The following GP6 variants were observed in gnomAD, a reference collection of about 807,000 sequenced individuals.
GP6 encodes glycoprotein VI platelet, also known as platelet glycoprotein VI.
GP6 carries 45 observed loss-of-function variants against 37.3 expected under a neutral mutation model. That is an observed-to-expected ratio of 1.21 (90% CI 0.95 to 1.55). The LOEUF (loss-of-function observed/expected upper bound fraction) is 1.55. Among genes scored for constraint, GP6 ranks in the 40% most tolerant of loss-of-function variants. GP6 has a pLI of 0.00. For synonymous variants in GP6, 340 were observed against 316.4 expected (o/e 1.07, Z -0.79); for missense variants, 813 against 760.2 (o/e 1.07, Z -0.82).
chr19:55,028,333 T>G (rs939225833), intron 3 of GP6, among the ~76,000 whole-genome samples: 1 of 152,230 alleles, frequency 6.6e-6, no homozygotes. Flanking sequence ...TCCAAACTTA[T>G]GATGTATATC....
intron 4 of GP6, among the ~76,000 whole-genome samples, chr19:55,025,807 G>C (rs900189647): frequency 6.6e-6 from 1 of 152,054 alleles, no homozygotes; most frequent in African/African-American, 2.4e-5. Flanking sequence ...TTCAAGACCA[G>C]CCTGGCCAAC....
intron 5 of GP6, among the ~76,000 whole-genome samples, chr19:55,022,312 G>C (rs2074115755): frequency 6.6e-6 from 1 of 152,078 alleles, no homozygotes; most frequent in South Asian, 2.1e-4. Context: ...CATCCATCTT[G>C]AGTTAATTTT....
chr19:55,022,980 G>A (rs1273561472), intron 5 of GP6, among the ~76,000 whole-genome samples: 1 of 152,094 alleles, frequency 6.6e-6, no homozygotes, highest in Non-Finnish European at 1.5e-5. Context: ...AACTATCATT[G>A]ACATTCCTCA....
At chr19:55,024,327 TATGCACGCACACACGCAC>T (rs2074213559) in intron 5 of GP6, among the ~76,000 whole-genome samples, 1 of 30,218 alleles carries the variant, frequency 3.3e-5, no homozygotes, top group South Asian at 1.2e-3. Flanking sequence ...CACACACACA[TATGCACGCACACACGCAC>T]ATGCACGCAC....
intron 3 of GP6, among the ~76,000 whole-genome samples, chr19:55,029,370 A>T (rs1157010602): frequency 0.012 from 31 of 2,486 alleles, 2 homozygotes; most frequent in African/African-American, 0.027. Flanking sequence ...ATATATATAT[A>T]TATATTTTTT....
intron 5 of GP6, among the ~76,000 whole-genome samples, chr19:55,024,899 T>C: frequency 6.6e-6 from 1 of 151,984 alleles, no homozygotes; most frequent in East Asian, 1.9e-4. Context: ...GGTTGGTTGG[T>C]TGGTTGGTTA....
chr19:55,030,974 G>A (rs1180191503), intron 3 of GP6, among the ~76,000 whole-genome samples: 1 of 151,952 alleles, frequency 6.6e-6, no homozygotes, highest in Admixed American at 6.6e-5. Flanking sequence ...TCAGCCTCCT[G>A]AGTAGCTGGG....
rs869194721 is a variant in GP6 at position 55,026,000 on chromosome 19, CAA to C, written c.611-731_611-730del. 2.4e-3 allele frequency among the ~76,000 whole-genome samples: 42 copies of C among 17,868 alleles called. 1 individual carries two copies. The highest frequency in any genetic ancestry group is 5.7e-3 in the African/African-American group (40 of 7,010). 11.7% of individuals were successfully genotyped at this position (17,868 alleles called of 152,430 possible). A position where few individuals can be genotyped will look rare whatever the true frequency, so the allele number is the denominator to read the frequency against. On this transcript the variant is annotated intron_variant, in intron 4 of 7. Coordinates refer to ENST00000310373, the MANE Select transcript of GP6 (RefSeq NM_001083899.2). ...CTGGGTGACAAAGTGAGACTCCCCC[CAA>C]AAAAAAAAAAAAAAAAAAAAGCAGC...
intron 5 of GP6, among the ~76,000 whole-genome samples, chr19:55,021,066 A>T (rs1000686126): frequency 4.0e-5 from 6 of 148,670 alleles, no homozygotes; most frequent in African/African-American, 1.2e-4. Context: ...AAAAAAAAAA[A>T]AAAAAAGGTG....
intron 3 of GP6, among the ~76,000 whole-genome samples, chr19:55,031,142 C>T (rs2074546288): frequency 6.6e-6 from 1 of 152,168 alleles, no homozygotes; most frequent in African/African-American, 2.4e-5. Context: ...ACCACTGGGA[C>T]CAGTGCTACG....
At chr19:55,034,164 G>GTGTGTGTGTC (rs1310868230) in intron 1 of GP6, among the ~76,000 whole-genome samples, 1 of 149,452 alleles carries the variant, frequency 6.7e-6, no homozygotes, top group Non-Finnish European at 1.5e-5. Flanking sequence ...GTGTGTGTGT[G>GTGTGTGTGTC]TGTGTGTGTG....
intron 6 of GP6, among the ~76,000 whole-genome samples, chr19:55,017,080 C>T (rs1423379586): frequency 4.0e-5 from 6 of 151,336 alleles, no homozygotes; most frequent in Admixed American, 2.0e-4. Flanking sequence ...TGTCCATCTG[C>T]GGTTCCCAGA....
chr19:55,032,632 C>T, intron 1 of GP6, 94 bp from the exon 2 acceptor site: 1 of 1,236,220 alleles, frequency 8.1e-7, no homozygotes, highest in Non-Finnish European at 1.2e-6. Flanking sequence ...CATGCATATG[C>T]TTTACTCTGT....
chr19:55,037,528 G>C (rs1234152761), intron 1 of GP6, among the ~76,000 whole-genome samples: 1 of 150,994 alleles, frequency 6.6e-6, no homozygotes, highest in East Asian at 1.9e-4. Flanking sequence ...GTAGAGATGG[G>C]GTTTCTCCAT....
chr19:55,014,839 A>G lies in GP6; in HGVS notation c.1106T>C (p.Val369Ala). The change falls in exon 8 of 8, where the codon GTG becomes GCG. Residue 369 changes from valine (V) to alanine (A), a missense_variant. Coordinates refer to ENST00000310373, the MANE Select transcript of GP6 (RefSeq NM_001083899.2). ...CTGTAGCCTCTGCCCTCCTGCTTCC[A>G]CGCTCCACACACGCCAGTCTTTGAG... 6.2e-7 allele frequency: 1 copy of G among 1,613,988 alleles called. No homozygotes were observed. The highest frequency in any genetic ancestry group is 8.5e-7 in the Non-Finnish European group (1 of 1,179,966).
At chr19:55,027,014 C>CTT (rs2074331891) in intron 4 of GP6, among the ~76,000 whole-genome samples, 1 of 138,356 alleles carries the variant, frequency 7.2e-6, no homozygotes, top group African/African-American at 2.8e-5. Context: ...TTCCTTCCCA[C>CTT]CTACGGCCCC....
chr19:55,030,687 A>G lies in GP6; in HGVS notation c.325+1452T>C, dbSNP rs565975349. Among the ~76,000 whole-genome samples, 7 of 152,246 alleles carry G rather than the reference A, an allele frequency of 4.6e-5. No homozygotes were observed. In the South Asian group the frequency reaches 1.4e-3, roughly 32 times the overall value. The stretch of plus-strand genomic sequence containing the variant: ...AAATAAATAAATAAGAAAAGAAATT[A>G]GAATATTTGCACCAATCAAGAGTCT... On this transcript the variant is annotated intron_variant, in intron 3 of 7. Transcript: ENST00000310373.
chr19:55,030,667 AAT>A (rs1403660547), intron 3 of GP6, among the ~76,000 whole-genome samples: 24 of 151,570 alleles, frequency 1.6e-4, no homozygotes, highest in Non-Finnish European at 2.9e-4. Flanking sequence ...AAAAAAAATA[AAT>A]AAATAAGAAA....
In GP6 at chr19:55,032,347, G is replaced by T. The variant is rs777620820; in HGVS notation, c.117C>A (p.Pro39=). Residue 39 remains proline, a synonymous_variant, in exon 3 of 8, where the codon CCC becomes CCA. Transcript: ENST00000310373. Reference sequence around the variant, plus strand: ...ACCGGAGGGTCACTGGCTTCTCCAGGGGCACCAGGGAGCTGGGCAGAGCCT... The same window carrying T: ...ACCGGAGGGTCACTGGCTTCTCCAGTGGCACCAGGGAGCTGGGCAGAGCCT... The T allele has an allele frequency of 1.8e-5, 29 of 1,613,850 alleles. No individual in the cohort carries two copies. The highest frequency in any genetic ancestry group is 8.3e-5 in the Admixed American group (5 of 60,010).
Sources: allele counts gnomAD v4.1 joint callset (sites outside exome capture counted in the v4.1 genomes callset), GRCh38; gene constraint gnomAD v4.1.1; transcripts MANE v1.5; gene names NCBI Gene and HGNC (gene_info 2026-07-23, HGNC 2026-07-21).